Variants in NRXN3 observed in about 807,000 individuals in gnomAD.
NRXN3 encodes the protein neurexin 3.
Under a neutral mutation model 137.6 loss-of-function variants are expected in NRXN3, and 32 were observed. That is an observed-to-expected ratio of 0.23 (90% CI 0.18 to 0.31). NRXN3 has a LOEUF of 0.31. Among genes scored for constraint, NRXN3 ranks in the 10% least tolerant of loss-of-function variants. The pLI is 1.00. For synonymous variants in NRXN3, 798 were observed against 784.5 expected (o/e 1.02, Z -0.29); for missense variants, 1,574 against 2,062.5 (o/e 0.76, Z 4.59).
chr14:78,227,788 C>G (rs1049861776), intron 1 of NRXN3, among the ~76,000 whole-genome samples: 1 of 152,190 alleles, frequency 6.6e-6, no homozygotes, highest in Non-Finnish European at 1.5e-5. Flanking sequence ...TCCTTAGCTG[C>G]CTCAGGACTG....
At chr14:78,418,363 G>C (rs914079091) in intron 4 of NRXN3, among the ~76,000 whole-genome samples, 5 of 152,082 alleles carry the variant, frequency 3.3e-5, no homozygotes, top group African/African-American at 1.2e-4. Flanking sequence ...ATTTTCCTTT[G>C]GTACTCTATT....
intron 16 of NRXN3, among the ~76,000 whole-genome samples, chr14:79,476,178 T>C (rs770250503): frequency 6.6e-6 from 1 of 152,104 alleles, no homozygotes; most frequent in Non-Finnish European, 1.5e-5. Flanking sequence ...TCAGAAGGCA[T>C]AGGAGCTCAG....
intron 19 of NRXN3, among the ~76,000 whole-genome samples, chr14:79,778,756 C>T (rs977669684): frequency 2.6e-5 from 4 of 152,106 alleles, no homozygotes; most frequent in East Asian, 1.9e-4. Flanking sequence ...ATTTCTTATA[C>T]GTTTTTACTA....
intron 1 of NRXN3, among the ~76,000 whole-genome samples, chr14:78,205,321 C>A (rs1387373639): frequency 6.6e-6 from 1 of 152,210 alleles, no homozygotes; most frequent in Non-Finnish European, 1.5e-5. Context: ...AAGTCACTTG[C>A]CCATGCAAGC....
intron 15 of NRXN3, among the ~76,000 whole-genome samples, chr14:79,232,280 G>T (rs1349942490): frequency 6.6e-6 from 1 of 152,080 alleles, no homozygotes; most frequent in Non-Finnish European, 1.5e-5. Context: ...GTGTGTATGT[G>T]TGTGTGCGTG....
chr14:79,104,822 G>T (rs534878731), intron 15 of NRXN3, among the ~76,000 whole-genome samples: 1 of 134,772 alleles, frequency 7.4e-6, no homozygotes, highest in Admixed American at 8.4e-5. Context: ...TCTTATGATA[G>T]GGCTTTTTTT....
At chr14:79,787,239 C>T (rs1299845414) in intron 19 of NRXN3, among the ~76,000 whole-genome samples, 2 of 149,240 alleles carry the variant, frequency 1.3e-5, no homozygotes, top group Admixed American at 6.6e-5. Flanking sequence ...AGAGAAACTC[C>T]TGTTCTTTTT....
At chr14:78,730,758 C>T (rs1189194930) in intron 8 of NRXN3, among the ~76,000 whole-genome samples, 2 of 152,258 alleles carry the variant, frequency 1.3e-5, no homozygotes, top group East Asian at 3.9e-4. Flanking sequence ...ACTATAAAAC[C>T]AGGTGGCTAA....
rs1040430608 is a variant in NRXN3, at chr14:79,300,766, T to C, written c.3263-166455T>C. On this transcript the variant is annotated intron_variant, in intron 15 of 20. Transcript: ENST00000335750. ...GGGCAGGGAAATAGGTGACGTGTCT[T>C]AGTGGGAGGAACAGCAACATCATAC... Among the ~76,000 whole-genome samples, 3 of 152,014 alleles carry C rather than the reference T, an allele frequency of 2.0e-5. 1 individual carries two copies. Among genetic ancestry groups the C allele is most frequent in the Admixed American group, 1.3e-4 (2 of 15,242 alleles).
intron 15 of NRXN3, among the ~76,000 whole-genome samples, chr14:79,355,599 C>T (rs951373496): frequency 1.3e-5 from 2 of 152,202 alleles, no homozygotes; most frequent in Non-Finnish European, 2.9e-5. Flanking sequence ...AATAATTATC[C>T]ACTATGGTTA....
At chr14:79,779,095 A>G (rs940033600) in intron 19 of NRXN3, among the ~76,000 whole-genome samples, 2 of 152,230 alleles carry the variant, frequency 1.3e-5, no homozygotes, top group Non-Finnish European at 2.9e-5. Flanking sequence ...TGCCGAATTA[A>G]TGGCAATGAA....
Position 79,302,974 on chromosome 14 carries a change from G to A in NRXN3, c.3263-164247G>A, listed in dbSNP as rs1266866619. On this transcript the variant is annotated intron_variant, in intron 15 of 20. Coordinates refer to ENST00000335750, the MANE Select transcript of NRXN3 (RefSeq NM_001330195.2). ...CTTCCCTCCAAGCCCCACCTCCAATGTTGGGGATCACATTTCACCATGAAA... is the reference window on the plus strand; with the variant it reads ...CTTCCCTCCAAGCCCCACCTCCAATATTGGGGATCACATTTCACCATGAAA... 9.9e-5 allele frequency among the ~76,000 whole-genome samples: 15 copies of A among 152,056 alleles called. 1 individual carries two copies. The South Asian group carries it at 3.1e-3, about 32-fold the overall frequency.
chr14:79,192,849 C>G (rs1597103197), intron 15 of NRXN3, among the ~76,000 whole-genome samples: 2 of 143,702 alleles, frequency 1.4e-5, no homozygotes, highest in South Asian at 4.4e-4. Context: ...CAGCTCACTG[C>G]AAACTCCACC....
chr14:78,599,569 A>G lies in NRXN3; in HGVS notation c.758-45551A>G, dbSNP rs78030654. ...TACACTTCTTGGTCTTCCAACCTTC[A>G]GGATCACCATTGATTCCTTTTCCTG... On this transcript the variant is annotated intron_variant, in intron 4 of 20. Coordinates refer to ENST00000335750, the MANE Select transcript of NRXN3 (RefSeq NM_001330195.2). Among the ~76,000 whole-genome samples the G allele has an allele frequency of 4.6e-5, 7 of 152,296 alleles. No individual in the cohort carries two copies. In the East Asian group the frequency reaches 1.4e-3, roughly 29 times the overall value.
intron 16 of NRXN3, among the ~76,000 whole-genome samples, chr14:79,521,248 C>T (rs1249928365): frequency 1.3e-5 from 2 of 151,930 alleles, no homozygotes; most frequent in Non-Finnish European, 2.9e-5. Flanking sequence ...TGTTTGTTTG[C>T]TTGTTTGTAA....
chr14:78,696,039 C>T (rs2152786638), intron 6 of NRXN3, among the ~76,000 whole-genome samples: 1 of 152,162 alleles, frequency 6.6e-6, no homozygotes. Flanking sequence ...CCTAAACATG[C>T]TTCATCCATG....
chr14:79,440,678 G>A (rs945890858), intron 15 of NRXN3, among the ~76,000 whole-genome samples: 1 of 151,728 alleles, frequency 6.6e-6, no homozygotes, highest in African/African-American at 2.4e-5. Context: ...TGTTGTCATT[G>A]TAATAGGGGA....
intron 19 of NRXN3, among the ~76,000 whole-genome samples, chr14:79,734,451 C>T (rs1313030141): frequency 3.9e-5 from 6 of 152,102 alleles, no homozygotes; most frequent in South Asian, 2.1e-4. Context: ...ACGTGATACA[C>T]GTTACTTTTT....
intron 16 of NRXN3, among the ~76,000 whole-genome samples, chr14:79,575,728 A>G (rs2097658076): frequency 6.6e-6 from 1 of 152,026 alleles, no homozygotes; most frequent in South Asian, 2.1e-4. Context: ...GATTGCTTCC[A>G]TGTTTGAGTA....
Sources: allele counts gnomAD v4.1 joint callset (sites outside exome capture counted in the v4.1 genomes callset), GRCh38; gene constraint gnomAD v4.1.1; transcripts MANE v1.5; gene names NCBI Gene and HGNC (gene_info 2026-07-23, HGNC 2026-07-21).